The following MARCHF1 variants were observed in gnomAD, a reference collection of about 807,000 sequenced individuals.
MARCHF1 encodes membrane associated ring-CH-type finger 1, also known as E3 ubiquitin-protein ligase MARCHF1.
A neutral mutation model predicts 54.2 loss-of-function variants in MARCHF1; 40 were observed. That is an observed-to-expected ratio of 0.74 (90% CI 0.57 to 0.96). The LOEUF (loss-of-function observed/expected upper bound fraction) is 0.96. MARCHF1 is among the 40% of genes least tolerant of loss of function. MARCHF1 has a pLI of 0.00. For synonymous variants in MARCHF1, 236 were observed against 236.3 expected (o/e 1.00, Z 0.01); for missense variants, 586 against 656.5 (o/e 0.89, Z 1.17).
chr4:164,338,268 C>G (rs922381471), intron 1 of MARCHF1, among the ~76,000 whole-genome samples: 3 of 151,912 alleles, frequency 2.0e-5, no homozygotes, highest in African/African-American at 7.3e-5. Flanking sequence ...AAAAAATTAT[C>G]ATAGATACAC....
chr4:163,989,482 C>T (rs1234447211), intron 2 of MARCHF1, among the ~76,000 whole-genome samples: 1 of 152,124 alleles, frequency 6.6e-6, no homozygotes, highest in African/African-American at 2.4e-5. Flanking sequence ...TTTATTGCAA[C>T]TTCTGTGCTC....
chr4:163,751,385 C>A (rs951530048), intron 4 of MARCHF1, among the ~76,000 whole-genome samples: 1 of 151,084 alleles, frequency 6.6e-6, no homozygotes, highest in Non-Finnish European at 1.5e-5. Context: ...TGCAATAATA[C>A]ATGAAAAAAA....
chr4:164,241,767 C>T lies in MARCHF1; in HGVS notation c.-322-130105G>A, dbSNP rs1055608236. Among the ~76,000 whole-genome samples the T allele has an allele frequency of 5.9e-5, 9 of 152,234 alleles. No individual in the cohort carries two copies. The South Asian group carries it at 8.3e-4, about 14-fold the overall frequency. ...GACAGTGGGCACAGGTCAGTGGGTGCGCGCACAGTGCGCGAGCCGAAGCAG... is the reference window on the plus strand; with the variant it reads ...GACAGTGGGCACAGGTCAGTGGGTGTGCGCACAGTGCGCGAGCCGAAGCAG... On this transcript the variant is annotated intron_variant, in intron 1 of 9. Transcript: ENST00000514618.
At chr4:163,836,329 T>C (rs1749182879) in intron 4 of MARCHF1, among the ~76,000 whole-genome samples, 1 of 150,928 alleles carries the variant, frequency 6.6e-6, no homozygotes, top group African/African-American at 2.4e-5. Flanking sequence ...CACTGCAAAC[T>C]GCGCCTCCCA....
chr4:163,993,361 A>T (rs4691948), intron 2 of MARCHF1, among the ~76,000 whole-genome samples: 146,216 of 152,212 alleles, frequency 0.96, 70,492 homozygotes, highest in East Asian at 1. Flanking sequence ...GTGTAATTAC[A>T]ACATCTTTTT....
At chr4:163,812,763 G>T (rs367664391) in intron 4 of MARCHF1, among the ~76,000 whole-genome samples, 2 of 152,148 alleles carry the variant, frequency 1.3e-5, no homozygotes, top group East Asian at 3.9e-4. Flanking sequence ...ATCTCAAAAT[G>T]ACAACAACAA....
intron 3 of MARCHF1, among the ~76,000 whole-genome samples, chr4:163,987,042 G>C (rs1019437069): frequency 2.0e-5 from 3 of 152,172 alleles, no homozygotes; most frequent in African/African-American, 7.2e-5. Flanking sequence ...TAACTTTTAT[G>C]AATCTTGCTT....
chr4:164,236,028 C>T (rs546971433), intron 1 of MARCHF1, among the ~76,000 whole-genome samples: 1 of 152,032 alleles, frequency 6.6e-6, no homozygotes, highest in Non-Finnish European at 1.5e-5. Flanking sequence ...TCTCCTGATA[C>T]GTAGGAAGCA....
chr4:163,735,516 C>T (rs1746009366), intron 4 of MARCHF1, among the ~76,000 whole-genome samples: 1 of 152,156 alleles, frequency 6.6e-6, no homozygotes. Flanking sequence ...ACTTATTTCT[C>T]ACAGTTAAAG....
intron 4 of MARCHF1, among the ~76,000 whole-genome samples, chr4:163,774,532 C>G (rs1257763433): frequency 5.1e-5 from 7 of 137,972 alleles, no homozygotes; most frequent in African/African-American, 1.1e-4. Context: ...GAGTCTCACT[C>G]TGTTGCCCAG....
At chr4:163,679,909 G>A (rs945861088) in intron 5 of MARCHF1, among the ~76,000 whole-genome samples, 3 of 151,318 alleles carry the variant, frequency 2.0e-5, no homozygotes, top group African/African-American at 7.3e-5. Context: ...CTTTATCTCC[G>A]CTTCTTAAAC....
At chr4:163,864,398 C>A (rs906231233) in intron 3 of MARCHF1, among the ~76,000 whole-genome samples, 1 of 151,656 alleles carries the variant, frequency 6.6e-6, no homozygotes, top group Admixed American at 6.6e-5. Flanking sequence ...AAAACTGTCA[C>A]GGACATGAAA....
chr4:164,006,990 GAAAAAAAAAAAAAAAAAAAA>G (rs57195057), intron 2 of MARCHF1, among the ~76,000 whole-genome samples: 13 of 23,190 alleles, frequency 5.6e-4, no homozygotes, highest in Admixed American at 2.6e-3. Flanking sequence ...TCTGAAATCT[GAAAAAAAAAAAAAAAAAAAA>G]AAAAAAAAAA....
At chr4:164,026,518 T>C (rs756730713) in intron 2 of MARCHF1, among the ~76,000 whole-genome samples, 3 of 151,736 alleles carry the variant, frequency 2.0e-5, no homozygotes, top group African/African-American at 4.8e-5. Flanking sequence ...CACAAAAAAA[T>C]ATTTCAATAA....
chr4:163,906,162 A>T (rs938636758), intron 3 of MARCHF1, among the ~76,000 whole-genome samples: 1 of 152,070 alleles, frequency 6.6e-6, no homozygotes, highest in African/African-American at 2.4e-5. Context: ...TTAATAGATA[A>T]GTAGTCACAA....
chr4:163,621,703 C>G (rs1579121161), intron 5 of MARCHF1, among the ~76,000 whole-genome samples: 1 of 152,114 alleles, frequency 6.6e-6, no homozygotes, highest in South Asian at 2.1e-4. Context: ...AACACTGGGT[C>G]TCTGCTTACT....
chr4:164,262,753 C>G (rs1733502272), intron 1 of MARCHF1, among the ~76,000 whole-genome samples: 1 of 152,098 alleles, frequency 6.6e-6, no homozygotes, highest in Non-Finnish European at 1.5e-5. Context: ...TTGGCAAAGC[C>G]CTCCTTTTCT....
intron 1 of MARCHF1, among the ~76,000 whole-genome samples, chr4:164,286,416 CAT>C (rs1734148483): frequency 6.6e-6 from 1 of 152,062 alleles, no homozygotes; most frequent in Non-Finnish European, 1.5e-5. Flanking sequence ...AATCTATTAA[CAT>C]ATTTTGGCAA....
chr4:163,856,592 G>A (rs1050860104), intron 3 of MARCHF1, among the ~76,000 whole-genome samples: 2 of 152,132 alleles, frequency 1.3e-5, no homozygotes, highest in African/African-American at 4.8e-5. Context: ...TCTACATCTG[G>A]ACATTCATTT....
Sources: allele counts gnomAD v4.1 joint callset (sites outside exome capture counted in the v4.1 genomes callset), GRCh38; gene constraint gnomAD v4.1.1; transcripts MANE v1.5; gene names NCBI Gene and HGNC (gene_info 2026-07-23, HGNC 2026-07-21).